Variants in MIPEP observed in about 807,000 individuals in gnomAD.
MIPEP encodes the protein mitochondrial intermediate peptidase.
In MIPEP, 79 loss-of-function variants were observed where a neutral mutation model predicts 90.3. The observed-to-expected ratio is 0.87, with a 90% confidence interval of 0.73 to 1.05. The LOEUF (loss-of-function observed/expected upper bound fraction) is 1.05, where lower values mean the gene tolerates loss of function less well. Ranked by LOEUF, MIPEP falls within the 50% of genes least tolerant of loss-of-function variation. MIPEP has a pLI of 0.00. For synonymous variants in MIPEP, 334 were observed against 315.8 expected, an observed-to-expected ratio of 1.06 and a Z score of -0.61; for missense variants, 940 against 905.6, an observed-to-expected ratio of 1.04 and a Z score of -0.49.
At chr13:23,765,302 T>C (rs1952581941) in intron 16 of MIPEP, among the ~76,000 whole-genome samples, 1 of 152,200 alleles carries the variant, frequency 6.6e-6, no homozygotes, top group African/African-American at 2.4e-5. Flanking sequence ...ACAGTTTCAG[T>C]TACCTATGGT....
intron 16 of MIPEP, among the ~76,000 whole-genome samples, chr13:23,797,694 A>G (rs910265243): frequency 6.6e-6 from 1 of 152,212 alleles, no homozygotes; most frequent in Non-Finnish European, 1.5e-5. Context: ...AGAGTGAGGA[A>G]GAATGCAAGA....
intron 15 of MIPEP, among the ~76,000 whole-genome samples, chr13:23,808,201 C>T (rs1263599713): frequency 6.6e-6 from 1 of 151,934 alleles, no homozygotes; most frequent in Non-Finnish European, 1.5e-5. Flanking sequence ...CGGGTTCACG[C>T]CATTCTCCTG....
chr13:23,878,536 C>T (rs893121598), intron 4 of MIPEP, among the ~76,000 whole-genome samples: 7 of 152,030 alleles, frequency 4.6e-5, no homozygotes, highest in Admixed American at 2.6e-4. Context: ...ACCAACAAAA[C>T]GTAGATAAAC....
chr13:23,847,311 G>A (rs774798749), intron 10 of MIPEP, among the ~76,000 whole-genome samples: 5 of 152,056 alleles, frequency 3.3e-5, no homozygotes, highest in African/African-American at 4.8e-5. Flanking sequence ...GATTGAGAAC[G>A]ATCAATTTAG....
intron 4 of MIPEP, among the ~76,000 whole-genome samples, chr13:23,877,464 C>G (rs997926071): frequency 6.6e-6 from 1 of 152,148 alleles, no homozygotes; most frequent in African/African-American, 2.4e-5. Flanking sequence ...TACATGAAAG[C>G]TCTTAATGGC....
At chr13:23,810,291 A>C (rs9507165) in intron 14 of MIPEP, among the ~76,000 whole-genome samples, 54,798 of 152,088 alleles carry the variant, frequency 0.36, 10,712 homozygotes, top group African/African-American at 0.52. Flanking sequence ...AAGTGCATAT[A>C]ATCACTGACA....
At chr13:23,826,404 A>G (rs899637398) in intron 14 of MIPEP, among the ~76,000 whole-genome samples, 7 of 152,174 alleles carry the variant, frequency 4.6e-5, no homozygotes, top group Non-Finnish European at 1.0e-4. Context: ...AACATTTCTA[A>G]AAAACTGATG....
At chr13:23,764,366 CATTTTTACTTG>C (rs1364788593) in intron 16 of MIPEP, among the ~76,000 whole-genome samples, 4 of 152,176 alleles carry the variant, frequency 2.6e-5, no homozygotes, top group African/African-American at 9.7e-5. Flanking sequence ...GCTCTTTGAT[CATTTTTACTTG>C]CCTATAGCCC....
intron 16 of MIPEP, among the ~76,000 whole-genome samples, chr13:23,760,957 C>T (rs1952536287): frequency 6.6e-6 from 1 of 152,070 alleles, no homozygotes; most frequent in Admixed American, 6.6e-5. Flanking sequence ...TGCAATGATT[C>T]TCTGTTGCAT....
intron 1 of MIPEP, among the ~76,000 whole-genome samples, chr13:23,888,409 T>C (rs1052756488): frequency 6.6e-6 from 1 of 152,092 alleles, no homozygotes; most frequent in African/African-American, 2.4e-5. Context: ...AAAATAAAAG[T>C]AATCCTTAAC....
chr13:23,845,532 TTAACTGACGG>T (rs1292710300), intron 10 of MIPEP, among the ~76,000 whole-genome samples: 1 of 152,234 alleles, frequency 6.6e-6, no homozygotes, highest in Non-Finnish European at 1.5e-5. Flanking sequence ...TCTGTTCCTT[TTAACTGACGG>T]TAAGCTGCTG....
intron 17 of MIPEP, among the ~76,000 whole-genome samples, chr13:23,758,209 T>C (rs1952506627): frequency 6.6e-6 from 1 of 152,150 alleles, no homozygotes; most frequent in South Asian, 2.1e-4. Flanking sequence ...CCATGGGATG[T>C]AGTGCCCTGA....
rs189248344 is a variant in MIPEP, at chr13:23,853,463, C to T, written c.1106+5397G>A. Reference sequence around the variant, plus strand: ...GTGCAGGTTTGTAGCCTAGGAGCGACAGGCTATACCAGAGAGCATAGGCGT... The same window carrying T: ...GTGCAGGTTTGTAGCCTAGGAGCGATAGGCTATACCAGAGAGCATAGGCGT... On this transcript the variant is annotated intron_variant, in intron 10 of 18. Coordinates refer to ENST00000382172, the MANE Select transcript of MIPEP (RefSeq NM_005932.4). Among the ~76,000 whole-genome samples, 175 of 152,190 alleles carry T rather than the reference C, an allele frequency of 1.1e-3. 1 individual carries two copies. Among genetic ancestry groups the T allele is most frequent in the African/African-American group, 4.1e-3 (169 of 41,526 alleles).
intron 14 of MIPEP, among the ~76,000 whole-genome samples, chr13:23,812,881 C>T (rs1332272889): frequency 6.6e-6 from 1 of 152,046 alleles, no homozygotes; most frequent in Non-Finnish European, 1.5e-5. Flanking sequence ...TAAAGAAACA[C>T]ATAAGTAGAG....
rs752672365 is a variant in MIPEP at position 23,881,770 on chromosome 13, G to A, written c.381C>T (p.Ile127=). 19 of 1,613,466 alleles carry A rather than the reference G, an allele frequency of 1.2e-5. No individual in the cohort carries two copies. Among genetic ancestry groups the A allele is most frequent in the African/African-American group, 4.0e-5 (3 of 74,926 alleles). Residue 127 remains isoleucine, a synonymous_variant, in exon 3 of 19, where the codon ATC becomes ATT. Coordinates refer to ENST00000382172, the MANE Select transcript of MIPEP (RefSeq NM_005932.4). ...RVADLADFVK[I]AHPEPAFREA... is the part of the protein sequence containing the mutation. ...CTCTGAATGCTGGCTCAGGGTGAGC[G>A]ATTTTCACAAAATCAGCCTAATAAA...
At chr13:23,821,525 C>T (rs796914844) in intron 14 of MIPEP, among the ~76,000 whole-genome samples, 9 of 152,148 alleles carry the variant, frequency 5.9e-5, no homozygotes, top group African/African-American at 2.2e-4. Flanking sequence ...ACAAGACTCT[C>T]TGGGCTCATC....
At position 23,730,653 on chromosome 13, in the gene MIPEP, C is replaced by G. The variant is rs542779246; in HGVS notation, c.2045-208G>C. Among the ~76,000 whole-genome samples the G allele has an allele frequency of 3.9e-5, 6 of 152,286 alleles. No homozygotes were observed. In the South Asian group the frequency reaches 8.3e-4, roughly 21 times the overall value. The stretch of plus-strand genomic sequence containing the variant: ...TATAATTTTAATGTATTTTTACTAT[C>G]AAATCCATCCTTAGCTTAGAGATTT... On this transcript the variant is annotated intron_variant, in intron 18 of 18. Transcript: ENST00000382172.
chr13:23,813,360 G>A lies in MIPEP; in HGVS notation c.1654-3436C>T, dbSNP rs975411517. Among the ~76,000 whole-genome samples the A allele has an allele frequency of 5.9e-5, 9 of 152,120 alleles. 1 individual carries two copies. The highest frequency in any genetic ancestry group is 1.7e-4 in the African/African-American group (7 of 41,428). Reference sequence around the variant, plus strand: ...GGACCTCCTAAGGATACCAAGATCTGTAGATGTGCAAGTCCCTGCTGTGAA... The same window carrying A: ...GGACCTCCTAAGGATACCAAGATCTATAGATGTGCAAGTCCCTGCTGTGAA... On this transcript the variant is annotated intron_variant, in intron 14 of 18. Transcript: ENST00000382172.
At chr13:23,875,027 A>AGCACACACAC in intron 4 of MIPEP, 118 bp from the exon 5 acceptor site, 1 of 400,650 alleles carries the variant, frequency 2.5e-6, no homozygotes, top group Non-Finnish European at 4.5e-6. Flanking sequence ...GTTTCTTCAA[A>AGCACACACAC]ACACACACAC....
Sources: allele counts gnomAD v4.1 joint callset (sites outside exome capture counted in the v4.1 genomes callset), GRCh38; gene constraint gnomAD v4.1.1; transcripts MANE v1.5; gene names NCBI Gene and HGNC (gene_info 2026-07-23, HGNC 2026-07-21).